Variants in UGGT2 observed in about 807,000 individuals in gnomAD.
The protein encoded by UGGT2 is UDP-glucose:glycoprotein glucosyltransferase 2.
UGGT2 carries 180 observed loss-of-function variants against 192.1 expected under a neutral mutation model. The ratio of observed to expected loss-of-function variants is 0.94; its 90% CI spans 0.83 to 1.06. The LOEUF is 1.06. Among genes scored for constraint, UGGT2 ranks in the 50% least tolerant of loss-of-function variants. The probability of loss-of-function intolerance (pLI) is 0.00; values close to 1 mark genes in which losing one functional copy is unlikely to be tolerated. For synonymous variants in UGGT2, 580 were observed against 591.0 expected (o/e 0.98, Z 0.27); for missense variants, 1,849 against 1,795.7 (o/e 1.03, Z -0.54).
At chr13:95,848,646 A>G (rs983066380) in intron 36 of UGGT2, among the ~76,000 whole-genome samples, 1 of 152,064 alleles carries the variant, frequency 6.6e-6, no homozygotes, top group African/African-American at 2.4e-5. Flanking sequence ...CTATTTTTCT[A>G]TTCTTTTGCC....
At chr13:95,931,161 A>G (rs568695977) in intron 17 of UGGT2, among the ~76,000 whole-genome samples, 1 of 152,074 alleles carries the variant, frequency 6.6e-6, no homozygotes, top group African/African-American at 2.4e-5. Flanking sequence ...ACAATCCCTG[A>G]GCTAGCCACA....
chr13:95,848,080 C>T (rs1888656106), intron 36 of UGGT2, among the ~76,000 whole-genome samples: 1 of 152,168 alleles, frequency 6.6e-6, no homozygotes, highest in Non-Finnish European at 1.5e-5. Flanking sequence ...TGCTCATATG[C>T]TTATATGTCA....
At position 95,906,834 on chromosome 13, in the gene UGGT2, A is replaced by C. The variant is rs576658409; in HGVS notation, c.2296-3774T>G. On this transcript the variant is annotated intron_variant, in intron 20 of 38. Coordinates refer to ENST00000376747, the MANE Select transcript of UGGT2 (RefSeq NM_020121.4). The stretch of plus-strand genomic sequence containing the variant: ...CGTTCCAAGATGGCCGAATAGGAAC[A>C]GCTCCAGTCTGCAGCTCCCAGTGTG... Among the ~76,000 whole-genome samples the C allele has an allele frequency of 2.0e-5, 3 of 152,350 alleles. No homozygotes were observed. In the South Asian group the frequency reaches 6.2e-4, roughly 32 times the overall value.
chr13:95,831,776 G>T (rs1419866936), intron 38 of UGGT2, among the ~76,000 whole-genome samples: 2 of 151,704 alleles, frequency 1.3e-5, no homozygotes, highest in African/African-American at 4.8e-5. Flanking sequence ...TTCCCAATTT[G>T]ATAAAAGAAA....
chr13:95,893,690 G>A (rs2047867545), intron 24 of UGGT2, among the ~76,000 whole-genome samples: 1 of 152,130 alleles, frequency 6.6e-6, no homozygotes, highest in South Asian at 2.1e-4. Context: ...GGTATTTCTA[G>A]AGAAAATTAC....
Position 95,908,217 on chromosome 13 carries a change from C to A in UGGT2, c.2296-5157G>T, listed in dbSNP as rs961363866. 5.9e-5 allele frequency among the ~76,000 whole-genome samples: 9 copies of A among 152,092 alleles called. 1 individual carries two copies. The highest frequency in any genetic ancestry group is 5.9e-4 in the Admixed American group (9 of 15,270). On this transcript the variant is annotated intron_variant, in intron 20 of 38. Coordinates refer to ENST00000376747, the MANE Select transcript of UGGT2 (RefSeq NM_020121.4). ...TTAGAGAAAAAAGACTAAAAAGAAA[C>A]AAACAAAGCCTCCAAGAAATATGGA...
chr13:96,039,348 G>GT (rs2053098722), intron 1 of UGGT2, among the ~76,000 whole-genome samples: 1 of 152,078 alleles, frequency 6.6e-6, no homozygotes, highest in African/African-American at 2.4e-5. Context: ...CCAAAACTTT[G>GT]TAAGACTATT....
chr13:95,902,558 G>A (rs544995265), intron 21 of UGGT2, among the ~76,000 whole-genome samples: 2 of 151,272 alleles, frequency 1.3e-5, no homozygotes, highest in East Asian at 2.0e-4. Flanking sequence ...TGAAATACCT[G>A]AGATTTACGT....
intron 29 of UGGT2, among the ~76,000 whole-genome samples, chr13:95,875,048 T>C (rs1002515137): frequency 1.3e-5 from 2 of 152,180 alleles, no homozygotes; most frequent in African/African-American, 4.8e-5. Flanking sequence ...GGTTGTACCA[T>C]TCTAGATACC....
chr13:95,974,661 G>C (rs1012377569), intron 10 of UGGT2, among the ~76,000 whole-genome samples: 2 of 152,182 alleles, frequency 1.3e-5, no homozygotes, highest in African/African-American at 4.8e-5. Flanking sequence ...AAAAACTAGT[G>C]TATATTTGAG....
chr13:96,046,994 C>T (rs1195146560), intron 1 of UGGT2, among the ~76,000 whole-genome samples: 1 of 152,232 alleles, frequency 6.6e-6, no homozygotes. Context: ...GTGGAGCCCA[C>T]CACAGCTCCA....
intron 1 of UGGT2, among the ~76,000 whole-genome samples, chr13:96,040,666 A>G (rs1407938250): frequency 6.6e-6 from 1 of 152,196 alleles, no homozygotes. Flanking sequence ...TAAGTAAAAA[A>G]TGCATTTAAT....
At chr13:95,853,315 A>G (rs1889244568) in intron 36 of UGGT2, among the ~76,000 whole-genome samples, 1 of 152,206 alleles carries the variant, frequency 6.6e-6, no homozygotes, top group African/African-American at 2.4e-5. Context: ...ATAAAGTAGA[A>G]AGTAGAGGTT....
chr13:95,834,945 A>G (rs1887131839), intron 37 of UGGT2, among the ~76,000 whole-genome samples: 1 of 152,230 alleles, frequency 6.6e-6, no homozygotes, highest in Non-Finnish European at 1.5e-5. Flanking sequence ...GAAAAATACT[A>G]AATTTTTCTA....
rs111991376 is a variant in UGGT2, at chr13:95,835,276, C to T, written c.4401+1810G>A. Among the ~76,000 whole-genome samples the T allele has an allele frequency of 1.3e-3, 192 of 152,208 alleles. 2 individuals are homozygous for T. The highest frequency in any genetic ancestry group is 0.01 in the Middle Eastern group (3 of 294). The stretch of plus-strand genomic sequence containing the variant: ...GGCACACAGGAGGGCTACTCAATGA[C>T]GGAGATATCCACTTAGGTCTGCTGC... On this transcript the variant is annotated intron_variant, in intron 37 of 38. Transcript: ENST00000376747.
At chr13:95,907,815 T>C (rs1201174583) in intron 20 of UGGT2, among the ~76,000 whole-genome samples, 1 of 151,910 alleles carries the variant, frequency 6.6e-6, no homozygotes, top group Admixed American at 6.6e-5. Context: ...AAGCTGAAAA[T>C]TCTAAAAATC....
At chr13:95,840,427 C>T (rs1273610804) in intron 36 of UGGT2, among the ~76,000 whole-genome samples, 2 of 152,122 alleles carry the variant, frequency 1.3e-5, no homozygotes. Flanking sequence ...ATGCGACCAA[C>T]AAACATACGA....
Position 95,831,693 on chromosome 13 carries a change from T to C in UGGT2, c.4528+1234A>G, listed in dbSNP as rs531509497. Among the ~76,000 whole-genome samples the C allele has an allele frequency of 2.6e-5, 4 of 152,244 alleles. No homozygotes were observed. In the South Asian group the frequency reaches 8.3e-4, roughly 32 times the overall value. On this transcript the variant is annotated intron_variant, in intron 38 of 38. Coordinates refer to ENST00000376747, the MANE Select transcript of UGGT2 (RefSeq NM_020121.4). ...ATTTCCTTAACTTATACAGCTACTA[T>C]ACGTTTACTTGTATAAAAATGCTAA...
At chr13:95,852,502 T>G (rs1162445832) in intron 36 of UGGT2, among the ~76,000 whole-genome samples, 1 of 152,204 alleles carries the variant, frequency 6.6e-6, no homozygotes, top group Non-Finnish European at 1.5e-5. Context: ...CATTTATCTT[T>G]AAATATTATT....
Sources: gnomAD v4.1 joint callset for allele counts (sites outside exome capture counted in the v4.1 genomes callset) on GRCh38, gnomAD v4.1.1 for gene constraint, MANE v1.5 for transcripts, NCBI Gene and HGNC (gene_info 2026-07-23, HGNC 2026-07-21) for gene names.